The following EPHB2 variants were observed in gnomAD, a reference collection of about 807,000 sequenced individuals.
EPHB2 encodes ephrin type-B receptor 2.
EPHB2 carries 18 observed loss-of-function variants against 96.4 expected under a neutral mutation model. The observed-to-expected ratio is 0.19, with a 90% CI of 0.13 to 0.28. The LOEUF is 0.28. Among genes scored for constraint, EPHB2 ranks in the 10% least tolerant of loss-of-function variants. EPHB2 has a pLI of 1.00. For synonymous variants in EPHB2, 506 were observed against 534.1 expected, an observed-to-expected ratio of 0.95 and a Z score of 0.72; for missense variants, 989 against 1,355.4, an observed-to-expected ratio of 0.73 and a Z score of 4.25.
rs536289412 is a variant in EPHB2, at chr1:22,802,463, C to T, written c.811+17387C>T. 9.9e-5 allele frequency among the ~76,000 whole-genome samples: 15 copies of T among 152,228 alleles called. No individual in the cohort carries two copies. In the East Asian group the frequency reaches 2.7e-3, roughly 27 times the overall value. ...TGAGAGATGTGTCTAGAGAATCTGC[C>T]ACCACCAGCCACCCCTTGGCAGGGC... On this transcript the variant is annotated intron_variant, in intron 3 of 15. Coordinates refer to ENST00000374630, the MANE Select transcript of EPHB2 (RefSeq NM_017449.5).
chr1:22,772,055 TTTACCACCCACCCCACCCCCAGCAA>T (rs1384942847), intron 1 of EPHB2, among the ~76,000 whole-genome samples: 1 of 151,970 alleles, frequency 6.6e-6, no homozygotes, highest in Non-Finnish European at 1.5e-5. Flanking sequence ...CTGGTGTTCA[TTTACCACCCACCCCACCCCCAGCAA>T]CCCCGTCCCA....
intron 1 of EPHB2, among the ~76,000 whole-genome samples, chr1:22,766,649 T>C (rs1323144754): frequency 2.0e-5 from 3 of 151,674 alleles, no homozygotes; most frequent in African/African-American, 7.3e-5. Context: ...AGGGAAGGAG[T>C]TGGGAGCCCA....
Position 22,720,118 on chromosome 1 carries a change from C to T in EPHB2, c.61+9075C>T, listed in dbSNP as rs79831430. The stretch of plus-strand genomic sequence containing the variant: ...TCCCATCCTTTGCTAGTCTAGACTG[C>T]GCCTCTATCCATGGCAATTAGCTCC... On this transcript the variant is annotated intron_variant, in intron 1 of 15. Coordinates refer to ENST00000374630, the MANE Select transcript of EPHB2 (RefSeq NM_017449.5). Among the ~76,000 whole-genome samples the T allele has an allele frequency of 3.7e-3, 557 of 152,232 alleles. 14 individuals are homozygous for T. In the East Asian group the frequency reaches 0.072, roughly 20 times the overall value.
At position 22,830,567 on chromosome 1, in the gene EPHB2, C is replaced by A. The variant is rs147650788; in HGVS notation, c.812-32470C>A. Among the ~76,000 whole-genome samples, 518 of 152,262 alleles carry A rather than the reference C, an allele frequency of 3.4e-3. 1 individual carries two copies. Among genetic ancestry groups the A allele is most frequent in the Non-Finnish European group, 5.9e-3 (402 of 68,018 alleles). ...ATGTGTTCAAAATTCATATTCATTT[C>A]TTTTGTTTGTTTGTTTGAGACGGAG... On this transcript the variant is annotated intron_variant, in intron 3 of 15. Transcript: ENST00000374630.
chr1:22,737,795 G>A (rs1421553647), intron 1 of EPHB2, among the ~76,000 whole-genome samples: 1 of 152,198 alleles, frequency 6.6e-6, no homozygotes, highest in Non-Finnish European at 1.5e-5. Context: ...ATGAGAGAAT[G>A]AATGAATACA....
At chr1:22,792,051 T>TCCTG (rs1208376092) in intron 3 of EPHB2, among the ~76,000 whole-genome samples, 4 of 152,180 alleles carry the variant, frequency 2.6e-5, no homozygotes, top group African/African-American at 4.8e-5. Context: ...CACTCCAGAA[T>TCCTG]CCTGTGCTTC....
At chr1:22,760,926 C>T (rs1644226646) in intron 1 of EPHB2, among the ~76,000 whole-genome samples, 1 of 152,202 alleles carries the variant, frequency 6.6e-6, no homozygotes, top group Non-Finnish European at 1.5e-5. Flanking sequence ...AGATAAGGAA[C>T]TGCAGCTCAG....
intron 1 of EPHB2, among the ~76,000 whole-genome samples, chr1:22,745,873 C>T (rs1346450853): frequency 6.6e-6 from 1 of 152,160 alleles, no homozygotes; most frequent in Non-Finnish European, 1.5e-5. Flanking sequence ...GCCGACGCTG[C>T]TCTGGATTCT....
intron 9 of EPHB2, among the ~76,000 whole-genome samples, chr1:22,897,475 AGGTGCTGG>A (rs1290997741): frequency 6.6e-6 from 1 of 152,028 alleles, no homozygotes; most frequent in East Asian, 1.9e-4. Flanking sequence ...GCACTGTTCT[AGGTGCTGG>A]GGATCCCAGC....
chr1:22,727,502 T>G (rs1003604049), intron 1 of EPHB2, among the ~76,000 whole-genome samples: 2 of 152,156 alleles, frequency 1.3e-5, no homozygotes, highest in Non-Finnish European at 2.9e-5. Flanking sequence ...AGCTCTTCCA[T>G]CGAGCCTGGA....
rs551487151 is a variant in EPHB2 at position 22,835,576 on chromosome 1, C to T, written c.812-27461C>T. On this transcript the variant is annotated intron_variant, in intron 3 of 15. Transcript: ENST00000374630. ...GTGGGCATGCTTTCATACATGTAGGCAAATCATCTAGAAAATGGGATAAGA... is the reference window on the plus strand; with the variant it reads ...GTGGGCATGCTTTCATACATGTAGGTAAATCATCTAGAAAATGGGATAAGA... 1.2e-4 allele frequency: 19 copies of T among 152,316 alleles called. No homozygotes were observed. In the East Asian group the frequency reaches 3.7e-3, roughly 29 times the overall value. The allele number at this position is 152,316 out of a possible 1,614,324, so 9.4% of individuals were successfully genotyped here.
intron 3 of EPHB2, among the ~76,000 whole-genome samples, chr1:22,795,465 CGTTTT>C (rs71982185): frequency 0.074 from 877 of 11,890 alleles, 8 homozygotes; most frequent in African/African-American, 0.12. Context: ...AACTGGTTTC[CGTTTT>C]GTTTTGTTTT....
chr1:22,724,049 G>A (rs541113202), intron 1 of EPHB2, among the ~76,000 whole-genome samples: 21 of 152,320 alleles, frequency 1.4e-4, no homozygotes, highest in African/African-American at 3.6e-4. Context: ...AAGCTTAGGC[G>A]TCTGGCTCCA....
At chr1:22,757,908 C>CTTTTTTT (rs1224799943) in intron 1 of EPHB2, among the ~76,000 whole-genome samples, 2 of 54,154 alleles carry the variant, frequency 3.7e-5, no homozygotes, top group African/African-American at 1.5e-4. Context: ...GTAAGCTATG[C>CTTTTTTT]TTTTTTTTTT....
chr1:22,850,988 C>G (rs1645618025), intron 3 of EPHB2, among the ~76,000 whole-genome samples: 1 of 152,040 alleles, frequency 6.6e-6, no homozygotes, highest in Non-Finnish European at 1.5e-5. Flanking sequence ...GTTTTTGTTT[C>G]TTTTTGGAAA....
intron 1 of EPHB2, among the ~76,000 whole-genome samples, chr1:22,771,740 T>C (rs908356557): frequency 6.6e-6 from 1 of 152,188 alleles, no homozygotes; most frequent in African/African-American, 2.4e-5. Flanking sequence ...CCAGCTGCCA[T>C]GATGATACTT....
rs968977091 is a variant in EPHB2, at chr1:22,792,387, G to C, written c.811+7311G>C. Among the ~76,000 whole-genome samples, 3 of 152,154 alleles carry C rather than the reference G, an allele frequency of 2.0e-5. No homozygotes were observed. The East Asian group carries it at 5.8e-4, about 29-fold the overall frequency. On this transcript the variant is annotated intron_variant, in intron 3 of 15. Coordinates refer to ENST00000374630, the MANE Select transcript of EPHB2 (RefSeq NM_017449.5). Reference sequence around the variant, plus strand: ...GACACCCAGTTGAGGGAGAAGGAGGGGGGACAGACAACTCCTGCAGACCCC... The same window carrying C: ...GACACCCAGTTGAGGGAGAAGGAGGCGGGACAGACAACTCCTGCAGACCCC...
At chr1:22,829,866 G>A (rs952445894) in intron 3 of EPHB2, among the ~76,000 whole-genome samples, 6 of 152,158 alleles carry the variant, frequency 3.9e-5, no homozygotes, top group South Asian at 2.1e-4. Flanking sequence ...GGAGACAGCC[G>A]CATGTGATGT....
chr1:22,788,753 GTTTTTTTTTTTT>G (rs66554696), intron 3 of EPHB2, among the ~76,000 whole-genome samples: 4 of 134,162 alleles, frequency 3.0e-5, no homozygotes, highest in Non-Finnish European at 6.3e-5. Context: ...TTTTGTTTTT[GTTTTTTTTTTTT>G]TTTTTTTGTG....
Sources: allele counts gnomAD v4.1 joint callset (sites outside exome capture counted in the v4.1 genomes callset), GRCh38; gene constraint gnomAD v4.1.1; transcripts MANE v1.5; gene names NCBI Gene and HGNC (gene_info 2026-07-23, HGNC 2026-07-21).